DLC1: variants seen among roughly 807,000 people sequenced by gnomAD.
DLC1 encodes the protein DLC1 Rho GTPase activating protein, also known as rho GTPase-activating protein 7.
DLC1 carries 54 observed loss-of-function variants against 140.3 expected under a neutral mutation model. That is an observed-to-expected ratio of 0.38 (90% CI 0.31 to 0.48). The LOEUF is 0.48. DLC1 is among the 20% of genes least tolerant of loss of function. DLC1 has a pLI of 0.96. For missense variants in DLC1, 2,536 were observed against 1,907.0 expected (o/e 1.33, Z -6.14); for synonymous variants, 986 against 728.1 (o/e 1.35, Z -5.70).
chr8:13,340,639 C>T (rs1185244638), intron 4 of DLC1: 1 of 152,160 alleles, frequency 6.6e-6, no homozygotes. Context: ...AATTTCCTTT[C>T]CCCTAAACAA....
intron 5 of DLC1, among the ~76,000 whole-genome samples, chr8:13,228,905 C>G (rs768085569): frequency 6.6e-6 from 1 of 152,164 alleles, no homozygotes; most frequent in Non-Finnish European, 1.5e-5. Context: ...TGACACCTAC[C>G]AGGGTGGCTA....
chr8:13,147,195 T>C (rs1563685075), intron 5 of DLC1, among the ~76,000 whole-genome samples: 1 of 152,332 alleles, frequency 6.6e-6, no homozygotes, highest in East Asian at 1.9e-4. Context: ...ACCTAGTTTC[T>C]AAGTAAGACT....
At chr8:13,571,904 T>C (rs1337671072) in intron 1 of DLC1, among the ~76,000 whole-genome samples, 1 of 152,134 alleles carries the variant, frequency 6.6e-6, no homozygotes, top group African/African-American at 2.4e-5. Flanking sequence ...GCCATTTTGG[T>C]AGTTGTGGAG....
intron 1 of DLC1, among the ~76,000 whole-genome samples, chr8:13,598,907 T>A (rs1189454900): frequency 6.6e-6 from 1 of 151,830 alleles, no homozygotes; most frequent in Non-Finnish European, 1.5e-5. Flanking sequence ...AATATTTTCA[T>A]TATTCTAAAT....
At chr8:13,317,065 T>G (rs1472711158) in intron 4 of DLC1, among the ~76,000 whole-genome samples, 1 of 152,216 alleles carries the variant, frequency 6.6e-6, no homozygotes, top group Non-Finnish European at 1.5e-5. Context: ...TTATGTACGA[T>G]TAAAGTCTAC....
intron 1 of DLC1, among the ~76,000 whole-genome samples, chr8:13,527,335 T>A (rs1289502797): frequency 6.6e-6 from 1 of 152,206 alleles, no homozygotes; most frequent in Non-Finnish European, 1.5e-5. Context: ...ATATGATTTT[T>A]CTCTTTTAGT....
intron 1 of DLC1, among the ~76,000 whole-genome samples, chr8:13,533,958 C>A (rs757115829): frequency 6.6e-6 from 1 of 152,066 alleles, no homozygotes; most frequent in Non-Finnish European, 1.5e-5. Context: ...GTGGAACTGG[C>A]AATCAATCAA....
intron 2 of DLC1, among the ~76,000 whole-genome samples, chr8:13,453,145 A>G (rs890275191): frequency 1.3e-5 from 2 of 151,226 alleles, no homozygotes; most frequent in Non-Finnish European, 1.5e-5. Flanking sequence ...GATCAAAAAA[A>G]TAAAATATTC....
chr8:13,230,573 T>G (rs902042191), intron 5 of DLC1, among the ~76,000 whole-genome samples: 1 of 151,740 alleles, frequency 6.6e-6, no homozygotes, highest in African/African-American at 2.4e-5. Flanking sequence ...CAGATAGATA[T>G]AGATTTTTTC....
At chr8:13,483,259 C>G (rs1332403193) in intron 2 of DLC1, among the ~76,000 whole-genome samples, 1 of 152,190 alleles carries the variant, frequency 6.6e-6, no homozygotes, top group Non-Finnish European at 1.5e-5. Flanking sequence ...GATGATCTCA[C>G]CTTGAGATCC....
At chr8:13,226,864 G>A (rs1487007585) in intron 5 of DLC1, among the ~76,000 whole-genome samples, 1 of 152,126 alleles carries the variant, frequency 6.6e-6, no homozygotes, top group African/African-American at 2.4e-5. Context: ...ATTGTCCTGG[G>A]TATAGCCTTG....
At chr8:13,157,507 A>G (rs1824338734) in intron 5 of DLC1, among the ~76,000 whole-genome samples, 1 of 152,220 alleles carries the variant, frequency 6.6e-6, no homozygotes. Flanking sequence ...TTTGAAAAAT[A>G]AGAAATCTTT....
chr8:13,421,288 T>G (rs1278238466), intron 2 of DLC1, among the ~76,000 whole-genome samples: 1 of 152,180 alleles, frequency 6.6e-6, no homozygotes, highest in Non-Finnish European at 1.5e-5. Context: ...TTTTAAAGTC[T>G]ACCTGAGAAA....
intron 4 of DLC1, among the ~76,000 whole-genome samples, chr8:13,306,829 A>T (rs1193058674): frequency 6.6e-6 from 1 of 151,930 alleles, no homozygotes; most frequent in African/African-American, 2.4e-5. Context: ...CACCCCTGTA[A>T]TCCCAGCACT....
chr8:13,425,994 G>A (rs958793041), intron 2 of DLC1, among the ~76,000 whole-genome samples: 3 of 152,048 alleles, frequency 2.0e-5, no homozygotes, highest in African/African-American at 7.2e-5. Context: ...TTTATTTTTT[G>A]TAGGGACAGG....
chr8:13,101,793 G>C (rs1268147792), intron 8 of DLC1, among the ~76,000 whole-genome samples: 1 of 152,178 alleles, frequency 6.6e-6, no homozygotes, highest in Non-Finnish European at 1.5e-5. Flanking sequence ...AAACACTAAG[G>C]AACGTCTTTG....
intron 13 of DLC1, 114 bp downstream of exon 13, chr8:13,092,498 G>A (rs1818156173): frequency 8.5e-7 from 1 of 1,182,562 alleles, no homozygotes; most frequent in South Asian, 1.4e-5. Flanking sequence ...TAATATAGCG[G>A]TCTAACCTTC....
chr8:13,549,632 T>C (rs1803777365), intron 1 of DLC1, among the ~76,000 whole-genome samples: 2 of 152,120 alleles, frequency 1.3e-5, no homozygotes. Context: ...TTTTAAACCC[T>C]GTTAAAGGAT....
rs180837350 is a variant in DLC1, at chr8:13,600,293, T to G, written c.-126+4244A>C. Among the ~76,000 whole-genome samples the G allele has an allele frequency of 2.3e-4, 35 of 151,982 alleles. No individual in the cohort carries two copies. In the East Asian group the frequency reaches 6.4e-3, roughly 28 times the overall value. On this transcript the variant is annotated intron_variant, in intron 1 of 1. Coordinates refer to the DLC1 transcript ENST00000631382. ...GCATGGACTATATAGAATTCAACGA[T>G]CAAAACTTTAAGTAAGAAGAGACCA...
Sources: gnomAD v4.1 joint callset for allele counts (sites outside exome capture counted in the v4.1 genomes callset) on GRCh38, gnomAD v4.1.1 for gene constraint, MANE v1.5 for transcripts, NCBI Gene and HGNC (gene_info 2026-07-23, HGNC 2026-07-21) for gene names.